Variants in LYPD1 observed in about 807,000 individuals in gnomAD.
LYPD1 encodes the protein ly6/PLAUR domain-containing protein 1.
A neutral mutation model predicts 14.2 loss-of-function variants in LYPD1; 14 were observed. The ratio of observed to expected loss-of-function variants is 0.99; its 90% CI spans 0.65 to 1.54. LYPD1 has a LOEUF of 1.54. Ranked by LOEUF, LYPD1 falls within the 40% of genes most tolerant of loss-of-function variation. The pLI is 0.00. For missense variants in LYPD1, 165 were observed against 175.7 expected, an observed-to-expected ratio of 0.94 and a Z score of 0.34; for synonymous variants, 85 against 70.6, an observed-to-expected ratio of 1.20 and a Z score of -1.02.
Position 132,645,459 on chromosome 2 carries a change from T to G in LYPD1, c.*586A>C, listed in dbSNP as rs1437640951. 2 of 1,613,908 alleles carry G rather than the reference T, an allele frequency of 1.2e-6. No homozygotes were observed. Among genetic ancestry groups the G allele is most frequent in the Non-Finnish European group, 1.7e-6 (2 of 1,180,038 alleles). On this transcript the variant is annotated 3_prime_UTR_variant, in exon 3 of 3. Coordinates refer to ENST00000397463, the MANE Select transcript of LYPD1 (RefSeq NM_144586.7). ...GGCGCCAGTCCTCTGCAAGGAGAAC[T>G]GAGAAGATTTTCTTAAGCACTTTTC... is the stretch of plus-strand genomic sequence containing the variant.
upstream of LYPD1, among the ~76,000 whole-genome samples, chr2:132,670,637 C>A (rs1683648858): frequency 6.6e-6 from 1 of 152,116 alleles, no homozygotes; most frequent in Non-Finnish European, 1.5e-5. This position sits in a 1 kb window ranked among gnomAD's most constrained non-coding sequence, Gnocchi z 4.5. Flanking sequence ...TGTCCCGCTG[C>A]GGGCCGCGGG....
intron 2 of LYPD1, among the ~76,000 whole-genome samples, chr2:132,663,423 G>A (rs1172872058): frequency 6.6e-6 from 1 of 152,074 alleles, no homozygotes; most frequent in East Asian, 1.9e-4. Context: ...ACAGGCATGT[G>A]CCACCACGCC....
upstream of LYPD1, chr2:132,671,359 C>T (rs1226381044): frequency 6.6e-6 from 1 of 152,340 alleles, no homozygotes; most frequent in Non-Finnish European, 1.5e-5. Flanking sequence ...AAATCGCCTC[C>T]TAAGCTTTAG....
rs773525542 is a variant in LYPD1, at chr2:132,645,307, T to C, written c.*738A>G. 4 of 1,614,076 alleles carry C rather than the reference T, an allele frequency of 2.5e-6. No homozygotes were observed. In the African/African-American group the frequency reaches 5.3e-5, roughly 22 times the overall value. ...GTCCTCGCAGCAGTTTCGGCGGGTG[T>C]TCGTGCAGGTGCTGTGCTGCCGCCT... On this transcript the variant is annotated 3_prime_UTR_variant, in exon 3 of 3. Coordinates refer to ENST00000397463, the MANE Select transcript of LYPD1 (RefSeq NM_144586.7).
In LYPD1 at chr2:132,670,166, C is replaced by A. The variant is rs755100329; in HGVS notation, c.-234G>T. The A allele has an allele frequency of 3.0e-6, 4 of 1,334,930 alleles. No individual in the cohort carries two copies. The Admixed American group carries it at 1.2e-4, about 40-fold the overall frequency. 82.7% of individuals were successfully genotyped at this position (1,334,930 alleles called of 1,614,324 possible). A position where few individuals can be genotyped will look rare whatever the true frequency, so the allele number is the denominator to read the frequency against. On this transcript the variant is annotated 5_prime_UTR_variant, in exon 1 of 3. Coordinates refer to ENST00000397463, the MANE Select transcript of LYPD1 (RefSeq NM_144586.7). The surrounding 1 kb of genome is among the most constrained non-coding windows in gnomAD (Gnocchi z 4.5). ...GCTCCTCCCGCTCGCGCTCCCGGGC[C>A]GAGCACCGCGCCTCCGGAGTTGGCG...
intron 2 of LYPD1, among the ~76,000 whole-genome samples, chr2:132,665,724 C>G (rs1186263213): frequency 1.3e-5 from 2 of 152,200 alleles, no homozygotes; most frequent in African/African-American, 4.8e-5. Flanking sequence ...CAGATCAGTT[C>G]TCAACTCGGG....
intron 2 of LYPD1, 44 bp from the exon 3 acceptor site, chr2:132,646,324 A>C: frequency 7.5e-7 from 1 of 1,328,790 alleles, no homozygotes; most frequent in Non-Finnish European, 1.0e-6. Flanking sequence ...TGCACCGGCA[A>C]AAGAATAGCT....
chr2:132,651,719 C>T (rs1275446213), intron 2 of LYPD1, among the ~76,000 whole-genome samples: 2 of 152,198 alleles, frequency 1.3e-5, no homozygotes, highest in East Asian at 3.8e-4. Flanking sequence ...GATAGTTAAG[C>T]ATACCATTTA....
At chr2:132,655,767 G>T (rs1023410945) in intron 2 of LYPD1, among the ~76,000 whole-genome samples, 3 of 152,036 alleles carry the variant, frequency 2.0e-5, no homozygotes, top group African/African-American at 7.3e-5. Flanking sequence ...GCCCACCTCA[G>T]CCTCCCAAAG....
chr2:132,645,735 G>A lies in LYPD1; in HGVS notation c.*310C>T. The A allele has an allele frequency of 7.7e-7, 1 of 1,290,508 alleles. No homozygotes were observed. Among genetic ancestry groups the A allele is most frequent in the Non-Finnish European group, 1.1e-6 (1 of 951,220 alleles). The allele number at this position is 1,290,508 out of a possible 1,614,324, so 79.9% of individuals were successfully genotyped here. ...GACACTGGAGGCTTTACAAAAGGCA[G>A]ATGCCCACCTCAGTGACTTCTAAGG... is the stretch of plus-strand genomic sequence containing the variant. On this transcript the variant is annotated 3_prime_UTR_variant, in exon 3 of 3. Coordinates refer to ENST00000397463, the MANE Select transcript of LYPD1 (RefSeq NM_144586.7).
In LYPD1 at chr2:132,646,267, G is replaced by A; in HGVS notation, c.204C>T (p.Arg68=). 1 of 1,554,148 alleles carries A rather than the reference G, an allele frequency of 6.4e-7. No homozygotes were observed. Among genetic ancestry groups the A allele is most frequent in the Non-Finnish European group, 8.7e-7 (1 of 1,146,922 alleles). Residue 68 remains arginine, a synonymous_variant, in exon 3 of 3, where the codon CGC becomes CGT. Transcript: ENST00000397463. ...AGGCCGCTGATGATGCACAGGACTT[G>A]CGGTACATGATCCCTGTAACACAGA... The part of the protein sequence containing the change: ...VMEQSAGIMY[R]KSCASSAACL...
intron 2 of LYPD1, among the ~76,000 whole-genome samples, chr2:132,654,195 C>T (rs1682461743): frequency 6.6e-6 from 1 of 152,146 alleles, no homozygotes; most frequent in Admixed American, 6.5e-5. Context: ...ATTTTTGCAG[C>T]TTTTCTATAA....
At chr2:132,653,455 T>C (rs1192984692) in intron 2 of LYPD1, among the ~76,000 whole-genome samples, 1 of 152,090 alleles carries the variant, frequency 6.6e-6, no homozygotes, top group Non-Finnish European at 1.5e-5. Flanking sequence ...AATGAGTAAA[T>C]AAGTATGTGC....
intron 2 of LYPD1, among the ~76,000 whole-genome samples, chr2:132,652,360 G>T (rs1036504644): frequency 1.3e-5 from 2 of 152,120 alleles, no homozygotes; most frequent in Non-Finnish European, 2.9e-5. Context: ...TTTGAAGGGG[G>T]TCTGGAAGTG....
rs776477670 is a variant in LYPD1 at position 132,669,808 on chromosome 2, G to C, written c.52+73C>G. On this transcript the variant is annotated intron_variant, in intron 1 of 2. Coordinates refer to ENST00000397463, the MANE Select transcript of LYPD1 (RefSeq NM_144586.7). This position sits in a 1 kb window ranked among gnomAD's most constrained non-coding sequence, Gnocchi z 4.3. ...GGGCTGGCCCCGAGGTGGGCGCCTT[G>C]GGGGCAAAAGGGCTGGCGGGTAGAT... 5.0e-6 allele frequency: 8 copies of C among 1,585,324 alleles called. No homozygotes were observed. In the Admixed American group the frequency reaches 1.4e-4, roughly 28 times the overall value.
chr2:132,655,354 G>A (rs1340837809), intron 2 of LYPD1, among the ~76,000 whole-genome samples: 10 of 152,038 alleles, frequency 6.6e-5, no homozygotes, highest in South Asian at 2.1e-4. Context: ...CATCTGCCTC[G>A]TTCCTTGTTT....
At position 132,643,444 on chromosome 2, in the gene LYPD1, G is replaced by A. The variant is rs1681904303; in HGVS notation, c.*2601C>T. On this transcript the variant is annotated 3_prime_UTR_variant, in exon 3 of 3. Coordinates refer to ENST00000397463, the MANE Select transcript of LYPD1 (RefSeq NM_144586.7). ...TAGGGTCCCCTCCAACAGCAGGCAA[G>A]GAATACTCAGGCCAGTGCATACAGG... Among the ~76,000 whole-genome samples the A allele has an allele frequency of 6.6e-6, 1 of 152,190 alleles. No homozygotes were observed. The highest frequency in any genetic ancestry group is 1.5e-5 in the Non-Finnish European group (1 of 68,034).
At chr2:132,657,563 T>A (rs1372884906) in intron 2 of LYPD1, among the ~76,000 whole-genome samples, 2 of 152,196 alleles carry the variant, frequency 1.3e-5, no homozygotes, top group Non-Finnish European at 2.9e-5. Flanking sequence ...CCAGATGGAA[T>A]GAACTGAGAA....
chr2:132,650,936 A>C (rs1019399733), intron 2 of LYPD1, among the ~76,000 whole-genome samples: 6 of 152,198 alleles, frequency 3.9e-5, no homozygotes, highest in African/African-American at 1.4e-4. Context: ...CTGGGATTTA[A>C]GCCCAGGAGA....
Sources: allele counts gnomAD v4.1 joint callset (sites outside exome capture counted in the v4.1 genomes callset), GRCh38; gene constraint gnomAD v4.1.1; non-coding constraint Gnocchi (gnomAD v3.1); transcripts MANE v1.5; gene names NCBI Gene and HGNC (gene_info 2026-07-23, HGNC 2026-07-21).